The following ACCSL variants were observed in gnomAD, a reference collection of about 807,000 sequenced individuals.
ACCSL encodes 1-aminocyclopropane-1-carboxylate synthase homolog (inactive) like, also known as probable inactive 1-aminocyclopropane-1-carboxylate synthase-like protein 2.
Under a neutral mutation model 61.7 loss-of-function variants are expected in ACCSL, and 55 were observed. The observed-to-expected ratio is 0.89, with a 90% CI of 0.72 to 1.12. The LOEUF is 1.12. ACCSL is among the 50% of genes most tolerant of loss of function. ACCSL has a pLI of 0.00. For synonymous variants in ACCSL, 258 were observed against 264.3 expected (o/e 0.98, Z 0.23); for missense variants, 632 against 698.0 (o/e 0.91, Z 1.07).
At chr11:43,983,093 G>C in the ACCSL span, among the ~76,000 whole-genome samples, 2,524 of 152,288 alleles carry the variant, frequency 0.017, 81 homozygotes, top group African/African-American at 0.057. Flanking sequence ...TCAGCCTTGA[G>C]GGGATCTGAG....
the ACCSL span, among the ~76,000 whole-genome samples, chr11:43,978,783 GTTTTTTTTTTTTTTTTTTTT>G: frequency 1.3e-5 from 1 of 79,084 alleles, no homozygotes; most frequent in Non-Finnish European, 2.3e-5. Flanking sequence ...GAGAAGGTGG[GTTTTTTTTTTTTTTTTTTTT>G]TTTTTTTTTT....
At chr11:44,002,553 C>G in the ACCSL span, among the ~76,000 whole-genome samples, 1 of 152,208 alleles carries the variant, frequency 6.6e-6, no homozygotes, top group Admixed American at 6.5e-5. Flanking sequence ...TCACCACTCA[C>G]TTCCCCAAGA....
upstream of ACCSL, among the ~76,000 whole-genome samples, chr11:44,046,779 A>C (rs759696270): frequency 2.0e-5 from 3 of 152,170 alleles, no homozygotes; most frequent in Non-Finnish European, 4.4e-5. Context: ...ATATCTTGGG[A>C]TATAAGGATT....
chr11:43,932,247 G>C, the ACCSL span, among the ~76,000 whole-genome samples: 1 of 152,154 alleles, frequency 6.6e-6, no homozygotes, highest in Non-Finnish European at 1.5e-5. Context: ...CAATCCCAGG[G>C]TCATGAGAAG....
chr11:44,009,638 A>C, the ACCSL span, among the ~76,000 whole-genome samples: 2 of 152,154 alleles, frequency 1.3e-5, no homozygotes, highest in Admixed American at 6.5e-5. Context: ...GGTGGTGTGC[A>C]CCTGTGGTCC....
chr11:43,989,009 C>T, the ACCSL span, among the ~76,000 whole-genome samples: 1 of 152,060 alleles, frequency 6.6e-6, no homozygotes, highest in South Asian at 2.1e-4. Flanking sequence ...GATTGGTCCT[C>T]CCTGGGTTCT....
chr11:44,033,761 T>C, the ACCSL span, among the ~76,000 whole-genome samples: 28 of 151,462 alleles, frequency 1.8e-4, 1 homozygote, highest in Middle Eastern at 3.4e-3. Context: ...AAGACCTTGT[T>C]TGGGGGGAGA....
chr11:43,924,782 C>T, the ACCSL span, among the ~76,000 whole-genome samples: 1 of 152,188 alleles, frequency 6.6e-6, no homozygotes, highest in Non-Finnish European at 1.5e-5. Flanking sequence ...GGCCACGGGG[C>T]CCCCTAGGGG....
the ACCSL span, among the ~76,000 whole-genome samples, chr11:43,978,426 A>T: frequency 2.0e-5 from 3 of 152,202 alleles, no homozygotes; most frequent in African/African-American, 7.2e-5. Context: ...CGGCAATTTC[A>T]TAGAGATTGC....
At chr11:44,053,165 G>T (rs1225127562) in intron 7 of ACCSL, 97 bp downstream of exon 7, 1 of 1,158,416 alleles carries the variant, frequency 8.6e-7, no homozygotes, top group African/African-American at 1.5e-5. Context: ...AAGACCTGGT[G>T]GGCTGTCCTT....
the ACCSL span, among the ~76,000 whole-genome samples, chr11:43,953,230 A>G: frequency 2.7e-3 from 411 of 152,196 alleles, 4 homozygotes; most frequent in African/African-American, 9.4e-3. Flanking sequence ...AAAGGATGAG[A>G]TATGCCAGGT....
chr11:44,055,072 C>T, intron 8 of ACCSL, 130 bp from the exon 9 acceptor site: 1 of 625,382 alleles, frequency 1.6e-6, no homozygotes, highest in East Asian at 2.8e-5. Context: ...AGTAGGAGTG[C>T]ATGATCTGTG....
chr11:43,931,211 G>C, the ACCSL span, among the ~76,000 whole-genome samples: 1 of 152,236 alleles, frequency 6.6e-6, no homozygotes, highest in African/African-American at 2.4e-5. Flanking sequence ...TGTCTGAGCA[G>C]CGTGAGGCCT....
the ACCSL span, among the ~76,000 whole-genome samples, chr11:43,940,358 C>T: frequency 1.4e-5 from 2 of 142,240 alleles, no homozygotes; most frequent in Non-Finnish European, 3.1e-5. Context: ...GAAATTATAT[C>T]TTTTTTTTTT....
At chr11:44,033,494 C>T in the ACCSL span, among the ~76,000 whole-genome samples, 1 of 152,138 alleles carries the variant, frequency 6.6e-6, no homozygotes, top group Non-Finnish European at 1.5e-5. Context: ...GGAACCAGGC[C>T]ATTGACACGG....
the ACCSL span, among the ~76,000 whole-genome samples, chr11:44,042,032 C>T: frequency 6.6e-6 from 1 of 151,988 alleles, no homozygotes; most frequent in Admixed American, 6.6e-5. Flanking sequence ...TCATATAACC[C>T]CACTTGGTCA....
chr11:44,037,101 C>G, the ACCSL span, among the ~76,000 whole-genome samples: 1 of 152,188 alleles, frequency 6.6e-6, no homozygotes, highest in Non-Finnish European at 1.5e-5. Flanking sequence ...TCCCCATCTC[C>G]CACTGCCTAC....
the ACCSL span, among the ~76,000 whole-genome samples, chr11:43,941,085 G>A: frequency 1.3e-5 from 2 of 152,162 alleles, no homozygotes; most frequent in Admixed American, 1.3e-4. Flanking sequence ...TGAACACATT[G>A]AGTTCACGCA....
At chr11:43,953,156 G>A in the ACCSL span, among the ~76,000 whole-genome samples, 1 of 152,188 alleles carries the variant, frequency 6.6e-6, no homozygotes, top group African/African-American at 2.4e-5. Flanking sequence ...AGGAGATCAG[G>A]CATTCTTTGT....
Sources: allele counts gnomAD v4.1 joint callset (sites outside exome capture counted in the v4.1 genomes callset), GRCh38; gene constraint gnomAD v4.1.1; transcripts MANE v1.5; gene names NCBI Gene and HGNC (gene_info 2026-07-23, HGNC 2026-07-21).